Variants in ADGRL3 observed in about 807,000 individuals in gnomAD.
ADGRL3 encodes calcium-independent alpha-latrotoxin receptor 3.
Under a neutral mutation model 153.5 loss-of-function variants are expected in ADGRL3, and 62 were observed. The observed-to-expected ratio is 0.40, with a 90% CI of 0.33 to 0.50. The LOEUF (loss-of-function observed/expected upper bound fraction) is 0.50. Ranked by LOEUF, ADGRL3 falls within the 20% of genes least tolerant of loss-of-function variation. The pLI, the probability that ADGRL3 is intolerant of heterozygous loss-of-function variation, is 0.47. For synonymous variants in ADGRL3, 710 were observed against 672.5 expected (o/e 1.06, Z -0.86); for missense variants, 1,641 against 1,859.4 (o/e 0.88, Z 2.16).
chr4:61,872,632 C>G (rs992180999), intron 9 of ADGRL3, among the ~76,000 whole-genome samples: 1 of 148,628 alleles, frequency 6.7e-6, no homozygotes. Flanking sequence ...AAGTCAGTTT[C>G]TAGTCTCAAT....
intron 5 of ADGRL3, among the ~76,000 whole-genome samples, chr4:61,644,092 A>C (rs2093831564): frequency 1.8e-5 from 1 of 54,970 alleles, no homozygotes; most frequent in African/African-American, 6.5e-5. Flanking sequence ...TGTTTGTAGT[A>C]TTCTCTGATG....
intron 5 of ADGRL3, among the ~76,000 whole-genome samples, chr4:61,672,839 A>C (rs1214159340): frequency 6.6e-6 from 1 of 152,070 alleles, no homozygotes; most frequent in Non-Finnish European, 1.5e-5. Context: ...TATGTAAAAG[A>C]AATGAATCAA....
chr4:61,643,335 A>T (rs2093785129), intron 5 of ADGRL3, among the ~76,000 whole-genome samples: 1 of 151,878 alleles, frequency 6.6e-6, no homozygotes, highest in South Asian at 2.1e-4. Context: ...GTTGAGTAGG[A>T]GTGGTGAGAG....
intron 8 of ADGRL3, among the ~76,000 whole-genome samples, chr4:61,753,544 T>A (rs1010671518): frequency 2.6e-5 from 4 of 152,126 alleles, no homozygotes; most frequent in African/African-American, 9.7e-5. Context: ...TGGTAACAAC[T>A]TAAGAGGGTG....
chr4:61,560,902 G>A (rs191664773), intron 4 of ADGRL3, among the ~76,000 whole-genome samples: 7 of 152,140 alleles, frequency 4.6e-5, no homozygotes, highest in African/African-American at 1.4e-4. Context: ...TAAGGTTGTA[G>A]CTATTTTCTT....
chr4:61,584,761 C>T (rs2098939700), intron 4 of ADGRL3, among the ~76,000 whole-genome samples: 1 of 151,792 alleles, frequency 6.6e-6, no homozygotes, highest in Non-Finnish European at 1.5e-5. Flanking sequence ...TATTAAGGAC[C>T]TTTTGTGAAA....
chr4:61,260,153 T>C (rs2092390767), intron 1 of ADGRL3, among the ~76,000 whole-genome samples: 1 of 152,230 alleles, frequency 6.6e-6, no homozygotes, highest in African/African-American at 2.4e-5. Context: ...TTTCATTGAA[T>C]AATAAACCTG....
rs1197940936 is a variant in ADGRL3 at position 61,456,465 on chromosome 4, ATATATC to A, written c.-173-40644_-173-40639del. On this transcript the variant is annotated intron_variant, in intron 2 of 26. Transcript: ENST00000683033. The stretch of plus-strand genomic sequence containing the variant: ...GATATATCTATATCTATATATATAG[ATATATC>A]TATATCTATATATATAGATATATCT... Among the ~76,000 whole-genome samples, 102 of 129,440 alleles carry A rather than the reference ATATATC, an allele frequency of 7.9e-4. 1 individual carries two copies. Among genetic ancestry groups the A allele is most frequent in the African/African-American group, 2.3e-3 (82 of 35,058 alleles). The allele number at this position is 129,440 out of a possible 152,430, so 84.9% of individuals were successfully genotyped here.
chr4:61,856,992 CTT>C lies in ADGRL3; in HGVS notation c.1481-35662_1481-35661del, dbSNP rs1193277389. Among the ~76,000 whole-genome samples the C allele has an allele frequency of 7.7e-3, 939 of 121,802 alleles. 12 individuals are homozygous for C. The highest frequency in any genetic ancestry group is 0.012 in the African/African-American group (396 of 32,298). The allele number at this position is 121,802 out of a possible 152,430, so 79.9% of individuals were successfully genotyped here. The stretch of plus-strand genomic sequence containing the variant: ...TCTTTCTTTCTTTCTTTCTTTCTTT[CTT>C]TCTTTCTTTCTTTCTTTCTTTCCTT... On this transcript the variant is annotated intron_variant, in intron 9 of 26. Coordinates refer to ENST00000683033, the MANE Select transcript of ADGRL3 (RefSeq NM_001387552.1).
chr4:61,539,795 G>A (rs1251532856), intron 4 of ADGRL3, among the ~76,000 whole-genome samples: 2 of 152,082 alleles, frequency 1.3e-5, no homozygotes, highest in Admixed American at 6.6e-5. Context: ...AGGGGTAAGG[G>A]GAGCAGAGAA....
intron 8 of ADGRL3, among the ~76,000 whole-genome samples, chr4:61,805,873 T>C (rs1476838297): frequency 6.6e-6 from 1 of 152,192 alleles, no homozygotes; most frequent in Non-Finnish European, 1.5e-5. Flanking sequence ...ACTCCATGAA[T>C]GTTTTCTGCT....
At chr4:61,444,650 A>G (rs2097562194) in intron 2 of ADGRL3, among the ~76,000 whole-genome samples, 1 of 151,706 alleles carries the variant, frequency 6.6e-6, no homozygotes, top group Non-Finnish European at 1.5e-5. Flanking sequence ...ATTTTTTTTT[A>G]TTAGGCTGAA....
intron 9 of ADGRL3, among the ~76,000 whole-genome samples, chr4:61,888,627 C>T (rs933076890): frequency 1.3e-5 from 2 of 152,098 alleles, no homozygotes; most frequent in African/African-American, 4.8e-5. Context: ...CAGGGACAGC[C>T]TTTAAAATCA....
At position 61,497,253 on chromosome 4, in the gene ADGRL3, C is replaced by G; in HGVS notation, c.-41C>G. The G allele has an allele frequency of 8.0e-7, 1 of 1,257,294 alleles. No individual in the cohort carries two copies. The highest frequency in any genetic ancestry group is 1.1e-6 in the Non-Finnish European group (1 of 871,398). The allele number at this position is 1,257,294 out of a possible 1,614,324, so 77.9% of individuals were successfully genotyped here. A position where few individuals can be genotyped will look rare whatever the true frequency, so the allele number is the denominator to read the frequency against. ...ATACGTATTTTGTTTCACATTTGAACAGTCATTCTTGAGGAATACTCCATA... is the reference window on the plus strand; with the variant it reads ...ATACGTATTTTGTTTCACATTTGAAGAGTCATTCTTGAGGAATACTCCATA... On this transcript the variant is annotated 5_prime_UTR_variant, in exon 3 of 27. Transcript: ENST00000683033.
At position 61,785,073 on chromosome 4, in the gene ADGRL3, A is replaced by G. The variant is rs376057572; in HGVS notation, c.1400-28736A>G. ...TGTAAATAAATGAATAGATGGATAA[A>G]TCTATAAATTGATAGGATTGATAGG... On this transcript the variant is annotated intron_variant, in intron 8 of 26. Coordinates refer to ENST00000683033, the MANE Select transcript of ADGRL3 (RefSeq NM_001387552.1). Among the ~76,000 whole-genome samples the G allele has an allele frequency of 3.9e-5, 6 of 152,312 alleles. 1 individual carries two copies. The highest frequency in any genetic ancestry group is 1.4e-4 in the African/African-American group (6 of 41,588).
intron 8 of ADGRL3, among the ~76,000 whole-genome samples, chr4:61,762,257 A>G (rs2096921965): frequency 6.6e-6 from 1 of 152,174 alleles, no homozygotes; most frequent in Non-Finnish European, 1.5e-5. Flanking sequence ...AAATTTTTGA[A>G]ACATTTATAT....
Position 61,311,983 on chromosome 4 carries a change from A to C in ADGRL3, c.-239-71141A>C, listed in dbSNP as rs73216310. ...TAATAATGGGGGAGGCTATGCATCT[A>C]TGGGGCAGAGGGTATATGAGAGATC... On this transcript the variant is annotated intron_variant, in intron 1 of 26. Transcript: ENST00000683033. Among the ~76,000 whole-genome samples, 898 of 152,264 alleles carry C rather than the reference A, an allele frequency of 5.9e-3. 10 individuals are homozygous for C. The highest frequency in any genetic ancestry group is 0.02 in the African/African-American group (847 of 41,554).
chr4:61,596,153 A>G (rs923928651), intron 5 of ADGRL3, among the ~76,000 whole-genome samples: 7 of 152,150 alleles, frequency 4.6e-5, no homozygotes, highest in South Asian at 4.1e-4. Context: ...GGTTCTTGTC[A>G]TGGAGCTTTT....
At chr4:61,945,802 G>T (rs1421409486) in intron 15 of ADGRL3, among the ~76,000 whole-genome samples, 1 of 151,714 alleles carries the variant, frequency 6.6e-6, no homozygotes, top group East Asian at 2.0e-4. Context: ...GCTCGCGCAC[G>T]GTGCGCACAC....
Sources: allele counts gnomAD v4.1 joint callset (sites outside exome capture counted in the v4.1 genomes callset), GRCh38; gene constraint gnomAD v4.1.1; transcripts MANE v1.5; gene names NCBI Gene and HGNC (gene_info 2026-07-23, HGNC 2026-07-21).